The following RPGRIP1L variants were observed in gnomAD, a reference collection of about 807,000 sequenced individuals.
RPGRIP1L encodes the protein RPGRIP1 like.
A neutral mutation model predicts 160.4 loss-of-function variants in RPGRIP1L; 131 were observed. The observed-to-expected ratio is 0.82, with a 90% CI of 0.71 to 0.94. The LOEUF is 0.94. RPGRIP1L is among the 40% of genes least tolerant of loss of function. The probability of loss-of-function intolerance (pLI) is 0.00; values close to 1 mark genes in which losing one functional copy is unlikely to be tolerated. For missense variants in RPGRIP1L, 1,522 were observed against 1,535.8 expected (o/e 0.99, Z 0.15); for synonymous variants, 510 against 515.8 (o/e 0.99, Z 0.15).
At chr16:53,667,124 T>C (rs1431114444) in intron 9 of RPGRIP1L, among the ~76,000 whole-genome samples, 2 of 152,200 alleles carry the variant, frequency 1.3e-5, no homozygotes, top group African/African-American at 4.8e-5. Context: ...ATATTGCCTA[T>C]AGTGACAACT....
Position 53,652,805 on chromosome 16 carries a change from CTT to C in RPGRIP1L, c.1880_1881del (p.Lys627ArgfsTer12). 1 of 1,614,044 alleles carries C rather than the reference CTT, an allele frequency of 6.2e-7. No homozygotes were observed. Among genetic ancestry groups the C allele is most frequent in the Non-Finnish European group, 8.5e-7 (1 of 1,179,982 alleles). ...GCATAGGTACAGAAAGTGACAGGCT[CTT>C]TATCTCCAGATGCCTGTAAAACTTC... ...SSEVLQASGD[K>X]EPVTFCTYAF... On this transcript the variant is annotated frameshift_variant, in exon 15 of 27. Coordinates refer to ENST00000647211, the MANE Select transcript of RPGRIP1L (RefSeq NM_015272.5). LOFTEE classifies it high-confidence loss of function.
At chr16:53,659,584 C>T (rs377329785) in intron 10 of RPGRIP1L, 93 of 152,184 alleles carry the variant, frequency 6.1e-4, no homozygotes, top group African/African-American at 2.2e-3. Flanking sequence ...ATGGTGGTAT[C>T]AATAATAATT....
chr16:53,647,631 G>A (rs1350043779), intron 16 of RPGRIP1L, among the ~76,000 whole-genome samples: 2 of 152,150 alleles, frequency 1.3e-5, no homozygotes, highest in African/African-American at 4.8e-5. Flanking sequence ...GAAAGAAAAT[G>A]GGATCTGCTA....
chr16:53,628,818 C>T (rs1965332471), intron 22 of RPGRIP1L: 1 of 152,168 alleles, frequency 6.6e-6, no homozygotes. Flanking sequence ...CTAGCTTTAA[C>T]AGTACTTATT....
chr16:53,648,498 G>A (rs889271031), intron 16 of RPGRIP1L, among the ~76,000 whole-genome samples: 2 of 152,158 alleles, frequency 1.3e-5, no homozygotes, highest in Non-Finnish European at 2.9e-5. Context: ...TGAATAGCAC[G>A]GGGCAGTTTC....
intron 22 of RPGRIP1L, among the ~76,000 whole-genome samples, chr16:53,634,841 T>C (rs1169663721): frequency 1.3e-5 from 2 of 152,212 alleles, no homozygotes; most frequent in African/African-American, 2.4e-5. Flanking sequence ...GCCTCAGGTA[T>C]ACCTTTATAG....
At position 53,703,804 on chromosome 16, in the gene RPGRIP1L, G is replaced by A. The variant is rs779839225; in HGVS notation, c.-9C>T. ...TCCCCCATCCTCCCGGGTACTCACC[G>A]TGCCACTGGCCCTGCAGCTAGCTAC... On this transcript the variant is annotated splice_region_variant and 5_prime_UTR_variant, in exon 1 of 27. In the 5' UTR this introduces an upstream ATG that the reference lacks. Transcript: ENST00000647211. 1.5e-3 allele frequency: 558 copies of A among 382,806 alleles called. 1 individual carries two copies. Among genetic ancestry groups the A allele is most frequent in the Non-Finnish European group, 2.2e-3 (436 of 200,250 alleles). 23.7% of individuals were successfully genotyped at this position (382,806 alleles called of 1,614,324 possible).
chr16:53,696,365 A>C (rs1317034263), intron 2 of RPGRIP1L, 70 bp from the exon 3 acceptor site: 13 of 1,476,202 alleles, frequency 8.8e-6, no homozygotes, highest in Non-Finnish European at 1.1e-5. Flanking sequence ...TGATATTAAT[A>C]TAATCTCTGA....
At chr16:53,702,985 T>C (rs1026864991) in intron 1 of RPGRIP1L, among the ~76,000 whole-genome samples, 6 of 152,208 alleles carry the variant, frequency 3.9e-5, no homozygotes, top group African/African-American at 9.6e-5. Context: ...TATTGAATGA[T>C]TGGCTGTGCG....
chr16:53,645,326 G>A (rs1966471463), intron 17 of RPGRIP1L, among the ~76,000 whole-genome samples: 2 of 151,628 alleles, frequency 1.3e-5, no homozygotes, highest in African/African-American at 4.8e-5. Context: ...ATTGCAAAAA[G>A]GAGATGAGAG....
In RPGRIP1L at chr16:53,672,900, A is replaced by C. The variant is rs1022259426; in HGVS notation, c.999T>G (p.Ser333=). ...CTATTCTTCTTTCAGAAAACTTCAT[A>C]GAATGTAATTGTTTCTCAAGACTGC... ...KCCSLEKQLH[S]MKFSERRIEE... The change falls in exon 8 of 27, where the codon TCT becomes TCG. Residue 333 remains serine (S), a synonymous_variant. Coordinates refer to ENST00000647211, the MANE Select transcript of RPGRIP1L (RefSeq NM_015272.5). The C allele has an allele frequency of 1.2e-6, 2 of 1,613,112 alleles. No individual in the cohort carries two copies. Among genetic ancestry groups the C allele is most frequent in the Non-Finnish European group, 8.5e-7 (1 of 1,179,496 alleles).
chr16:53,673,243 CAT>C (rs1282103699), intron 7 of RPGRIP1L, among the ~76,000 whole-genome samples: 2 of 152,154 alleles, frequency 1.3e-5, no homozygotes, highest in African/African-American at 4.8e-5. Flanking sequence ...GTTATCTTAG[CAT>C]AGAGTCACAT....
intron 9 of RPGRIP1L, among the ~76,000 whole-genome samples, chr16:53,668,628 GA>G (rs1342410335): frequency 6.6e-6 from 1 of 151,970 alleles, no homozygotes; most frequent in Non-Finnish European, 1.5e-5. Context: ...TATAGTTTAG[GA>G]ACCATTGCAT....
At position 53,652,715 on chromosome 16, in the gene RPGRIP1L, T is replaced by G. The variant is rs766013946; in HGVS notation, c.1972A>C (p.Thr658Pro). 1.9e-6 allele frequency: 3 copies of G among 1,614,042 alleles called. No individual in the cohort carries two copies. Among genetic ancestry groups the G allele is most frequent in the South Asian group, 1.1e-5 (1 of 91,090 alleles). The change falls in exon 15 of 27, where the codon ACT (threonine) becomes CCT (proline). Residue 658 changes from threonine to proline, a missense_variant. Coordinates refer to ENST00000647211, the MANE Select transcript of RPGRIP1L (RefSeq NM_015272.5). Reference protein sequence around the residue: ...VRGLHPEYNFTSQYLVHVNDL... With the variant: ...VRGLHPEYNFPSQYLVHVNDL... ...TTAACATGAACAAGATATTGAGAAG[T>G]GAAGTTATATTCGGGATGAAGGCCT...
chr16:53,668,203 G>A (rs1968436807), intron 9 of RPGRIP1L, among the ~76,000 whole-genome samples: 1 of 152,082 alleles, frequency 6.6e-6, no homozygotes, highest in African/African-American at 2.4e-5. Flanking sequence ...GGAAGCATAA[G>A]CTGCTCATAT....
chr16:53,659,297 C>A, intron 10 of RPGRIP1L: 1 of 515,374 alleles, frequency 1.9e-6, no homozygotes, highest in Non-Finnish European at 2.5e-6. Context: ...ATTTTCCCAA[C>A]TTAGCATATA....
At chr16:53,687,126 C>T (rs1208044740) in intron 5 of RPGRIP1L, among the ~76,000 whole-genome samples, 1 of 152,016 alleles carries the variant, frequency 6.6e-6, no homozygotes, top group Non-Finnish European at 1.5e-5. Flanking sequence ...TTCCTGCAGG[C>T]TAATCATTAC....
chr16:53,624,858 C>T (rs948393259), intron 22 of RPGRIP1L, among the ~76,000 whole-genome samples: 32 of 150,628 alleles, frequency 2.1e-4, no homozygotes, highest in Admixed American at 6.0e-4. Flanking sequence ...CTCGCTGCAA[C>T]CTCCCTGCCT....
chr16:53,626,163 AAAAAAG>A (rs1965159240), intron 22 of RPGRIP1L, among the ~76,000 whole-genome samples: 1 of 151,458 alleles, frequency 6.6e-6, no homozygotes, highest in African/African-American at 2.4e-5. Context: ...AAAAAAAAAA[AAAAAAG>A]AAAATGGGAA....
Sources: gnomAD v4.1 joint callset for allele counts (sites outside exome capture counted in the v4.1 genomes callset) on GRCh38, gnomAD v4.1.1 for gene constraint, MANE v1.5 for transcripts, NCBI Gene and HGNC (gene_info 2026-07-23, HGNC 2026-07-21) for gene names.